Variants in PRTFDC1 observed in about 807,000 individuals in gnomAD.
PRTFDC1 encodes the protein phosphoribosyl transferase domain containing 1.
Under a neutral mutation model 34.6 loss-of-function variants are expected in PRTFDC1, and 38 were observed. That is an observed-to-expected ratio of 1.10 (90% CI 0.85 to 1.44). The LOEUF is 1.44. Ranked by LOEUF, PRTFDC1 falls within the 40% of genes most tolerant of loss-of-function variation. The probability of loss-of-function intolerance (pLI) is 0.00; values close to 1 mark genes in which losing one functional copy is unlikely to be tolerated. For synonymous variants in PRTFDC1, 93 were observed against 98.1 expected, an observed-to-expected ratio of 0.95 and a Z score of 0.31; for missense variants, 270 against 283.0, an observed-to-expected ratio of 0.95 and a Z score of 0.33.
intron 3 of PRTFDC1, among the ~76,000 whole-genome samples, chr10:24,935,791 C>T (rs552954794): frequency 2.6e-5 from 4 of 152,316 alleles, no homozygotes; most frequent in East Asian, 1.9e-4. Context: ...GTGTTGTGAA[C>T]GACCTGTGGG....
chr10:24,885,350 T>C (rs939827612), intron 3 of PRTFDC1, among the ~76,000 whole-genome samples: 5 of 152,210 alleles, frequency 3.3e-5, no homozygotes, highest in Non-Finnish European at 7.3e-5. Context: ...CACTCCTTAA[T>C]ATTTATCCAA....
intron 3 of PRTFDC1, among the ~76,000 whole-genome samples, chr10:24,912,450 G>A (rs940463075): frequency 7.3e-5 from 11 of 151,412 alleles, no homozygotes; most frequent in Non-Finnish European, 1.2e-4. Context: ...GGTGTGAGGC[G>A]GTATCTCTTT....
intron 4 of PRTFDC1, chr10:24,867,667 TAA>T (rs926312473): frequency 6.6e-6 from 1 of 152,182 alleles, no homozygotes; most frequent in Non-Finnish European, 1.5e-5. Flanking sequence ...TTATTTTTAT[TAA>T]GTTTTATTCT....
chr10:24,946,719 T>C (rs567399459), intron 1 of PRTFDC1, among the ~76,000 whole-genome samples: 22 of 152,252 alleles, frequency 1.4e-4, no homozygotes, highest in Non-Finnish European at 7.3e-5. Flanking sequence ...ACAGTACTTA[T>C]GCAATAAATG....
chr10:24,848,700 A>T lies in PRTFDC1; in HGVS notation c.*1144T>A, dbSNP rs1004111844. On this transcript the variant is annotated 3_prime_UTR_variant, in exon 9 of 9. Transcript: ENST00000320152. ...TACGCCACATACGGTTCAGAACCAA[A>T]CAAAAGCTGCTTAGTTATTTATTTT... 1 of 152,252 alleles carries T rather than the reference A, an allele frequency of 6.6e-6. No homozygotes were observed. Among genetic ancestry groups the T allele is most frequent in the African/African-American group, 2.4e-5 (1 of 41,472 alleles). The allele number at this position is 152,252 out of a possible 1,614,324, so 9.4% of individuals were successfully genotyped here.
At chr10:24,852,173 T>C (rs944536331) in intron 7 of PRTFDC1, among the ~76,000 whole-genome samples, 7 of 151,908 alleles carry the variant, frequency 4.6e-5, no homozygotes, top group Non-Finnish European at 1.0e-4. Flanking sequence ...GATGATTTTT[T>C]GTCAGAAAGG....
chr10:24,885,760 G>A (rs1848154291), intron 3 of PRTFDC1, among the ~76,000 whole-genome samples: 1 of 152,184 alleles, frequency 6.6e-6, no homozygotes, highest in African/African-American at 2.4e-5. Context: ...TCCTTCAGTA[G>A]GTGAATGGAT....
At chr10:24,855,172 G>A (rs1390968563) in intron 7 of PRTFDC1, 146 bp downstream of exon 7, 3 of 712,698 alleles carry the variant, frequency 4.2e-6, no homozygotes, top group Non-Finnish European at 6.9e-6. Context: ...GAGATCATGA[G>A]GAATCCGTGG....
At chr10:24,871,858 T>G in intron 4 of PRTFDC1, 140 bp downstream of exon 4, 1 of 659,308 alleles carries the variant, frequency 1.5e-6, no homozygotes, top group South Asian at 2.1e-5. Flanking sequence ...GGGAGATCAT[T>G]AAAAGGATTC....
intron 4 of PRTFDC1, among the ~76,000 whole-genome samples, chr10:24,862,302 C>T (rs1847692539): frequency 6.6e-6 from 1 of 152,132 alleles, no homozygotes; most frequent in Non-Finnish European, 1.5e-5. Flanking sequence ...CCAACCTATA[C>T]CATGGATTGG....
rs1588580229 is a variant in PRTFDC1 at position 24,869,600 on chromosome 10, T to C, written c.405+2398A>G. On this transcript the variant is annotated intron_variant, in intron 4 of 8. Transcript: ENST00000320152. ...CTGGCTACTTCTGGTGGTTATTTGG[T>C]GTTATGCCAAGGCATATTGGAAGGC... Among the ~76,000 whole-genome samples, 2 of 152,310 alleles carry C rather than the reference T, an allele frequency of 1.3e-5. 1 individual carries two copies. Among genetic ancestry groups the C allele is most frequent in the South Asian group, 4.1e-4 (2 of 4,832 alleles).
intron 4 of PRTFDC1, among the ~76,000 whole-genome samples, chr10:24,866,777 G>A (rs1477969821): frequency 1.5e-5 from 2 of 137,244 alleles, no homozygotes; most frequent in Non-Finnish European, 3.1e-5. Flanking sequence ...TCCTTTCCTT[G>A]GAAGAAAAGA....
intron 3 of PRTFDC1, among the ~76,000 whole-genome samples, chr10:24,874,275 T>G (rs765576614): frequency 3.3e-5 from 5 of 152,112 alleles, no homozygotes; most frequent in Non-Finnish European, 2.9e-5. Flanking sequence ...AATTTACAGA[T>G]GTTTTGCTGT....
Position 24,848,785 on chromosome 10 carries a change from TC to T in PRTFDC1, c.*1058del, listed in dbSNP as rs1847432376. ...GCTCTATTGGGACTCAAGTTTATTT[TC>T]AATTAAAATCCCCATAAATTAGGAA... On this transcript the variant is annotated 3_prime_UTR_variant, in exon 9 of 9. Coordinates refer to ENST00000320152, the MANE Select transcript of PRTFDC1 (RefSeq NM_020200.7). The T allele has an allele frequency of 6.6e-6, 1 of 152,200 alleles. No homozygotes were observed. Among genetic ancestry groups the T allele is most frequent in the Non-Finnish European group, 1.5e-5 (1 of 68,046 alleles). The allele number at this position is 152,200 out of a possible 1,614,324, so 9.4% of individuals were successfully genotyped here. A position where few individuals can be genotyped will look rare whatever the true frequency, so the allele number is the denominator to read the frequency against.
chr10:24,882,775 G>C (rs1848100391), intron 3 of PRTFDC1, among the ~76,000 whole-genome samples: 1 of 150,928 alleles, frequency 6.6e-6, no homozygotes, highest in Non-Finnish European at 1.5e-5. Flanking sequence ...CAAGTAGCTG[G>C]GACTACAGGT....
In PRTFDC1 at chr10:24,935,657, A is replaced by G. The variant is rs542283831; in HGVS notation, c.339+1527T>C. Among the ~76,000 whole-genome samples, 101 of 152,336 alleles carry G rather than the reference A, an allele frequency of 6.6e-4. 2 individuals carry two copies. Among genetic ancestry groups the G allele is most frequent in the African/African-American group, 2.3e-3 (95 of 41,570 alleles). ...GGGAATTCGCACCAAAGATTAGGTGACTAGTCAGATGACTTTGAGTTCATC... is the reference window on the plus strand; with the variant it reads ...GGGAATTCGCACCAAAGATTAGGTGGCTAGTCAGATGACTTTGAGTTCATC... On this transcript the variant is annotated intron_variant, in intron 3 of 8. Transcript: ENST00000320152.
At chr10:24,908,289 A>G in intron 3 of PRTFDC1, 1 of 594,960 alleles carries the variant, frequency 1.7e-6, no homozygotes, top group Non-Finnish European at 2.8e-6. Context: ...AAAGAACTAG[A>G]AGACTACCAC....
chr10:24,923,362 C>T (rs1379615426), intron 3 of PRTFDC1, among the ~76,000 whole-genome samples: 3 of 152,202 alleles, frequency 2.0e-5, no homozygotes, highest in Non-Finnish European at 2.9e-5. Context: ...GGTCCCTGAC[C>T]CCCATTTAGC....
intron 3 of PRTFDC1, among the ~76,000 whole-genome samples, chr10:24,903,463 A>G (rs1348524152): frequency 6.6e-6 from 1 of 152,194 alleles, no homozygotes; most frequent in Non-Finnish European, 1.5e-5. Flanking sequence ...TTGCACTTCA[A>G]TTCAAAGTTT....
Sources: allele counts gnomAD v4.1 joint callset (sites outside exome capture counted in the v4.1 genomes callset), GRCh38; gene constraint gnomAD v4.1.1; transcripts MANE v1.5; gene names NCBI Gene and HGNC (gene_info 2026-07-23, HGNC 2026-07-21).